Variants in MACROD2 observed in about 807,000 individuals in gnomAD.
MACROD2 encodes the protein ADP-ribose glycohydrolase MACROD2.
In MACROD2, 36 loss-of-function variants were observed where a neutral mutation model predicts 70.4. The ratio of observed to expected loss-of-function variants is 0.51; its 90% CI spans 0.39 to 0.68. MACROD2 has a LOEUF of 0.68. Among genes scored for constraint, MACROD2 ranks in the 30% least tolerant of loss-of-function variants. MACROD2 has a pLI of 0.00. For synonymous variants in MACROD2, 172 were observed against 178.8 expected, an observed-to-expected ratio of 0.96 and a Z score of 0.30; for missense variants, 496 against 538.4, an observed-to-expected ratio of 0.92 and a Z score of 0.78.
At chr20:14,058,895 G>T (rs974757481) in intron 2 of MACROD2, among the ~76,000 whole-genome samples, 1 of 152,068 alleles carries the variant, frequency 6.6e-6, no homozygotes, top group Non-Finnish European at 1.5e-5. Flanking sequence ...GCCCATCTCA[G>T]CCTCCCAAAG....
chr20:15,955,229 T>C (rs1568665555), intron 12 of MACROD2, among the ~76,000 whole-genome samples: 1 of 152,132 alleles, frequency 6.6e-6, no homozygotes, highest in African/African-American at 2.4e-5. Context: ...ATAAACCCAA[T>C]TGACTTAAAT....
intron 8 of MACROD2, among the ~76,000 whole-genome samples, chr20:15,661,024 A>G (rs1465975901): frequency 6.6e-6 from 1 of 152,180 alleles, no homozygotes; most frequent in Non-Finnish European, 1.5e-5. Context: ...AGTTAATAGA[A>G]TGACACCAGA....
intron 7 of MACROD2, among the ~76,000 whole-genome samples, chr20:15,449,090 T>C (rs1370675191): frequency 6.6e-6 from 1 of 152,144 alleles, no homozygotes; most frequent in Admixed American, 6.5e-5. Flanking sequence ...AAATGGCAGC[T>C]CATTAGTGTC....
At chr20:15,960,470 C>T (rs539637953) in intron 12 of MACROD2, among the ~76,000 whole-genome samples, 3 of 152,232 alleles carry the variant, frequency 2.0e-5, no homozygotes, top group Admixed American at 6.5e-5. Flanking sequence ...TTCTAAGTTT[C>T]GGATCCACAA....
rs1568527549 is a variant in MACROD2, at chr20:14,264,021, ACACAC to A, written c.271+178294_271+178298del. 6.0e-4 allele frequency among the ~76,000 whole-genome samples: 80 copies of A among 132,398 alleles called. 1 individual carries two copies. The highest frequency in any genetic ancestry group is 8.0e-3 in the Middle Eastern group (2 of 250). The allele number at this position is 132,398 out of a possible 152,430, so 86.9% of individuals were successfully genotyped here. A position where few individuals can be genotyped will look rare whatever the true frequency, so the allele number is the denominator to read the frequency against. On this transcript the variant is annotated intron_variant, in intron 3 of 17. Coordinates refer to ENST00000684519, the MANE Select transcript of MACROD2 (RefSeq NM_001351661.2). ...CACACACACACACACACACACACAC[ACACAC>A]AACACAAGTGAAGGAAAAAGATGGT...
chr20:15,612,081 G>A (rs569006129), intron 8 of MACROD2, among the ~76,000 whole-genome samples: 46 of 150,662 alleles, frequency 3.1e-4, no homozygotes, highest in South Asian at 6.5e-4. Flanking sequence ...TTTTGAGAAA[G>A]AAGCAGATAT....
At chr20:14,303,005 G>T (rs908942641) in intron 3 of MACROD2, among the ~76,000 whole-genome samples, 2 of 152,116 alleles carry the variant, frequency 1.3e-5, no homozygotes, top group Non-Finnish European at 2.9e-5. Context: ...TTCACTGAAA[G>T]ATTGTTAAAC....
chr20:14,306,225 A>G (rs980150884), intron 3 of MACROD2, among the ~76,000 whole-genome samples: 5 of 151,932 alleles, frequency 3.3e-5, no homozygotes, highest in African/African-American at 1.2e-4. Flanking sequence ...CCTTTTGAAA[A>G]TTCTCTTCTT....
At chr20:14,241,604 A>G (rs1177716102) in intron 3 of MACROD2, among the ~76,000 whole-genome samples, 1 of 152,114 alleles carries the variant, frequency 6.6e-6, no homozygotes, top group Admixed American at 6.6e-5. Flanking sequence ...CCTTTAGTAA[A>G]GGTACATGGT....
At chr20:14,405,966 A>T (rs918586909) in intron 3 of MACROD2, among the ~76,000 whole-genome samples, 7 of 152,128 alleles carry the variant, frequency 4.6e-5, no homozygotes, top group Admixed American at 1.3e-4. Context: ...TTTATCTAAT[A>T]AAAAAAGAGA....
At chr20:15,963,310 G>A (rs761970614) in intron 12 of MACROD2, among the ~76,000 whole-genome samples, 4 of 152,024 alleles carry the variant, frequency 2.6e-5, no homozygotes, top group African/African-American at 4.8e-5. Flanking sequence ...GAAGTTCTAC[G>A]CCAAAATGAC....
At chr20:15,645,376 A>G (rs530864388) in intron 8 of MACROD2, among the ~76,000 whole-genome samples, 2 of 152,340 alleles carry the variant, frequency 1.3e-5, no homozygotes, top group Admixed American at 1.3e-4. Context: ...GCATTCTGCC[A>G]TACCATTTTT....
At chr20:14,248,483 G>A (rs942440485) in intron 3 of MACROD2, among the ~76,000 whole-genome samples, 2 of 152,060 alleles carry the variant, frequency 1.3e-5, no homozygotes, top group South Asian at 2.1e-4. Flanking sequence ...CTCTGGAGGC[G>A]GAGGCAGGAG....
intron 7 of MACROD2, among the ~76,000 whole-genome samples, chr20:15,461,003 TA>T (rs1376110731): frequency 0.12 from 9,571 of 78,048 alleles, 767 homozygotes; most frequent in African/African-American, 0.15. Flanking sequence ...TATATATATA[TA>T]TATTTTTTTT....
intron 4 of MACROD2, among the ~76,000 whole-genome samples, chr20:14,500,086 A>G (rs2084899708): frequency 6.6e-6 from 1 of 152,210 alleles, no homozygotes; most frequent in Non-Finnish European, 1.5e-5. Context: ...GTTTTCAGGA[A>G]GCAGAAGGTC....
At chr20:15,307,710 C>G (rs1412120737) in intron 6 of MACROD2, among the ~76,000 whole-genome samples, 2 of 151,992 alleles carry the variant, frequency 1.3e-5, no homozygotes, top group Non-Finnish European at 2.9e-5. Context: ...CAAATTTTGC[C>G]AGTTGTCCTA....
At chr20:14,801,457 G>C (rs773149040) in intron 5 of MACROD2, among the ~76,000 whole-genome samples, 7 of 152,060 alleles carry the variant, frequency 4.6e-5, no homozygotes, top group Non-Finnish European at 7.4e-5. Context: ...CAGCGTTAAT[G>C]TTTTTCCCCA....
chr20:15,563,027 C>T (rs951842361), intron 8 of MACROD2, among the ~76,000 whole-genome samples: 5 of 152,134 alleles, frequency 3.3e-5, no homozygotes, highest in Admixed American at 1.3e-4. Context: ...AACAGCTTCC[C>T]CTTTATTCCT....
chr20:15,320,541 A>G (rs1439997999), intron 6 of MACROD2, among the ~76,000 whole-genome samples: 3 of 152,210 alleles, frequency 2.0e-5, no homozygotes, highest in Non-Finnish European at 4.4e-5. Flanking sequence ...TTCCTCATTC[A>G]TTCATTTTAT....
Sources: allele counts gnomAD v4.1 joint callset (sites outside exome capture counted in the v4.1 genomes callset), GRCh38; gene constraint gnomAD v4.1.1; transcripts MANE v1.5; gene names NCBI Gene and HGNC (gene_info 2026-07-23, HGNC 2026-07-21).